The following SLC24A1 variants were observed in gnomAD, a reference collection of about 807,000 sequenced individuals.
SLC24A1 encodes sodium/potassium/calcium exchanger 1.
SLC24A1 carries 52 observed loss-of-function variants against 88.1 expected under a neutral mutation model. The observed-to-expected ratio is 0.59, with a 90% CI of 0.47 to 0.74. SLC24A1 has a LOEUF of 0.74. Among genes scored for constraint, SLC24A1 ranks in the 30% least tolerant of loss-of-function variants. The pLI is 0.00. For synonymous variants in SLC24A1, 455 were observed against 498.0 expected (o/e 0.91, Z 1.15); for missense variants, 1,173 against 1,363.3 (o/e 0.86, Z 2.20).
chr15:65,655,600 T>G lies in SLC24A1; in HGVS notation c.*1521T>G. 1.0e-6 allele frequency: 1 copy of G among 985,264 alleles called. No individual in the cohort carries two copies. The highest frequency in any genetic ancestry group is 1.2e-6 in the Non-Finnish European group (1 of 829,826). 61.0% of individuals were successfully genotyped at this position (985,264 alleles called of 1,614,324 possible). A position where few individuals can be genotyped will look rare whatever the true frequency, so the allele number is the denominator to read the frequency against. On this transcript the variant is annotated 3_prime_UTR_variant, in exon 10 of 10. Coordinates refer to ENST00000261892, the MANE Select transcript of SLC24A1 (RefSeq NM_004727.3). ...TAATATCACTGGCTTCAGAGCAAAATGAGCTCGGGTGACTGCAGATTATGA... is the reference window on the plus strand; with the variant it reads ...TAATATCACTGGCTTCAGAGCAAAAGGAGCTCGGGTGACTGCAGATTATGA...
intron 1 of SLC24A1, among the ~76,000 whole-genome samples, chr15:65,622,419 T>A (rs1427340201): frequency 6.6e-6 from 1 of 152,194 alleles, no homozygotes; most frequent in Admixed American, 6.5e-5. Flanking sequence ...AGGAGGCTCA[T>A]CTGCTTGGCT....
Position 65,624,333 on chromosome 15 carries a change from G to A in SLC24A1, c.253G>A (p.Glu85Lys), listed in dbSNP as rs746325831. 32 of 1,613,562 alleles carry A rather than the reference G, an allele frequency of 2.0e-5. No homozygotes were observed. The highest frequency in any genetic ancestry group is 1.1e-4 in the South Asian group (10 of 91,020). Residue 85 changes from glutamate (E) to lysine (K), a missense_variant, in exon 2 of 10, where the codon GAA (glutamate) becomes AAA (lysine). Coordinates refer to ENST00000261892, the MANE Select transcript of SLC24A1 (RefSeq NM_004727.3). ...MSSSPSKPSS[E>K]MGGKMLVPQA... Reference sequence around the variant, plus strand: ...CAGCAGCCCTTCAAAACCTAGCTCCGAAATGGGGGGTAAGATGCTGGTACC... The same window carrying A: ...CAGCAGCCCTTCAAAACCTAGCTCCAAAATGGGGGGTAAGATGCTGGTACC...
chr15:65,645,569 C>A, intron 5 of SLC24A1, 43 bp from the exon 6 acceptor site: 1 of 1,445,388 alleles, frequency 6.9e-7, no homozygotes, highest in Non-Finnish European at 9.5e-7. Context: ...TCCTTCAGAA[C>A]CTTGTCCACT....
chr15:65,655,891 T>C lies in SLC24A1; in HGVS notation c.*1812T>C, dbSNP rs2075666739. ...TTTACAACATGGATGGGCTCATCCTTATCTTTAGGTCATTTGGTCAGAATC... is the reference window on the plus strand; with the variant it reads ...TTTACAACATGGATGGGCTCATCCTCATCTTTAGGTCATTTGGTCAGAATC... On this transcript the variant is annotated 3_prime_UTR_variant, in exon 10 of 10. Coordinates refer to ENST00000261892, the MANE Select transcript of SLC24A1 (RefSeq NM_004727.3). 2.0e-6 allele frequency: 2 copies of C among 985,258 alleles called. No homozygotes were observed. The highest frequency in any genetic ancestry group is 1.2e-4 in the Admixed American group (2 of 16,270). 61.0% of individuals were successfully genotyped at this position (985,258 alleles called of 1,614,324 possible).
At chr15:65,657,793 G>A (rs537106792), downstream of SLC24A1, among the ~76,000 whole-genome samples, 3 of 152,342 alleles carry the variant, frequency 2.0e-5, no homozygotes, top group African/African-American at 7.2e-5. Flanking sequence ...AAGATGTAAT[G>A]AGAGGGCTCA....
At chr15:65,622,736 T>C (rs1489482982) in intron 1 of SLC24A1, among the ~76,000 whole-genome samples, 2 of 146,806 alleles carry the variant, frequency 1.4e-5, no homozygotes, top group African/African-American at 2.6e-5. Context: ...TTCTGTTCAG[T>C]GCTTTTCTTT....
upstream of SLC24A1, among the ~76,000 whole-genome samples, chr15:65,621,117 C>T (rs571199751): frequency 5.1e-4 from 78 of 152,320 alleles, no homozygotes; most frequent in African/African-American, 1.7e-3. Context: ...GGATTAACTG[C>T]TATTTCAGAT....
chr15:65,624,877 C>G lies in SLC24A1; in HGVS notation c.797C>G (p.Ala266Gly), dbSNP rs1220152535. Residue 266 changes from alanine to glycine, a missense_variant, in exon 2 of 10, where the codon GCA becomes GGA. Coordinates refer to ENST00000261892, the MANE Select transcript of SLC24A1 (RefSeq NM_004727.3). Reference sequence around the variant, plus strand: ...ACTTTTCTGACACATGAGGTAGAAGCAAACGTCTTGACTTCTCCAAGGAGC... The same window carrying G: ...ACTTTTCTGACACATGAGGTAGAAGGAAACGTCTTGACTTCTCCAAGGAGC... ...TPTFLTHEVEANVLTSPRSVM... is the reference protein window; with the variant it reads ...TPTFLTHEVEGNVLTSPRSVM... 6 of 1,613,898 alleles carry G rather than the reference C, an allele frequency of 3.7e-6. No individual in the cohort carries two copies. In the African/African-American group the frequency reaches 6.7e-5, roughly 18 times the overall value.
chr15:65,630,451 A>G (rs2074677439), intron 2 of SLC24A1, among the ~76,000 whole-genome samples: 1 of 152,100 alleles, frequency 6.6e-6, no homozygotes, highest in South Asian at 2.1e-4. Context: ...CTTTGGAGGC[A>G]AGGGGCTGTG....
At position 65,625,465 on chromosome 15, in the gene SLC24A1, T is replaced by A. The variant is rs778025365; in HGVS notation, c.1385T>A (p.Met462Lys). Residue 462 changes from methionine to lysine, a missense_variant, in exon 2 of 10, where the codon ATG becomes AAG. Coordinates refer to ENST00000261892, the MANE Select transcript of SLC24A1 (RefSeq NM_004727.3). Reference sequence around the variant, plus strand: ...TGGGTGGTCCTGCACGTTTTTGGCATGATGTATGTGTTTGTGGCCTTGGCC... The same window carrying A: ...TGGGTGGTCCTGCACGTTTTTGGCAAGATGTATGTGTTTGTGGCCTTGGCC... ...QGWVVLHVFG[M>K]MYVFVALAIV... is the part of the protein sequence containing the mutation. The A allele has an allele frequency of 1.2e-6, 2 of 1,613,836 alleles. No homozygotes were observed. Among genetic ancestry groups the A allele is most frequent in the Admixed American group, 1.7e-5 (1 of 60,010 alleles).
At position 65,632,085 on chromosome 15, in the gene SLC24A1, C is replaced by T. The variant is rs370885525; in HGVS notation, c.1891-6043C>T. ...GACCTTGTGATCTGCCTGCCTCGGC[C>T]TCCCAAAGTTCTGGGATTACAGGTG... is the stretch of plus-strand genomic sequence containing the variant. On this transcript the variant is annotated intron_variant, in intron 2 of 9. Transcript: ENST00000261892. Among the ~76,000 whole-genome samples, 78 of 152,262 alleles carry T rather than the reference C, an allele frequency of 5.1e-4. 2 individuals carry two copies. The highest frequency in any genetic ancestry group is 1.8e-3 in the African/African-American group (75 of 41,540).
Position 65,638,169 on chromosome 15 carries a change from C to G in SLC24A1, c.1932C>G (p.Asn644Lys), listed in dbSNP as rs994191317. 4 of 1,608,578 alleles carry G rather than the reference C, an allele frequency of 2.5e-6. No individual in the cohort carries two copies. Among genetic ancestry groups the G allele is most frequent in the Admixed American group, 1.7e-5 (1 of 59,514 alleles). Residue 644 changes from asparagine to lysine, a missense_variant, in exon 3 of 10, where the codon AAC becomes AAG. Physicochemically the swap from Asn to Lys is moderately conservative, Grantham distance 94. Coordinates refer to ENST00000261892, the MANE Select transcript of SLC24A1 (RefSeq NM_004727.3). ...TTGCGGTGGATGAGCTACAGGATAA[C>G]AAGAAGCTGAAGGTGGGTGCCGTAT... is the stretch of plus-strand genomic sequence containing the variant. ...GAIAVDELQD[N>K]KKLKLPSLLT...
Position 65,644,450 on chromosome 15 carries a change from G to A in SLC24A1, c.2077G>A (p.Glu693Lys). Reference protein sequence around the residue: ...REVRLAKEKEEESLNQGARAQ... With the variant: ...REVRLAKEKEKESLNQGARAQ... ...AGTTCGCCTTGCCAAGGAGAAGGAG[G>A]AGGAGAGCTTGAATCAAGGGGCCAG... Residue 693 changes from glutamate to lysine, a missense_variant, in exon 5 of 10, where the codon GAG becomes AAG. Glu to Lys is a moderately conservative substitution (Grantham distance 56, BLOSUM62 1). Transcript: ENST00000261892. 1 of 1,596,004 alleles carries A rather than the reference G, an allele frequency of 6.3e-7. No individual in the cohort carries two copies. The highest frequency in any genetic ancestry group is 8.5e-7 in the Non-Finnish European group (1 of 1,171,480).
At chr15:65,611,484 G>C in exon 1 of SLC24A1, 1 of 440,326 alleles carries the variant, frequency 2.3e-6, no homozygotes, top group Non-Finnish European at 4.2e-6. Flanking sequence ...ACCTGGCCCG[G>C]TGACTCTGTG....
At chr15:65,642,930 A>T in intron 4 of SLC24A1, 4 of 1,081,890 alleles carry the variant, frequency 3.7e-6, no homozygotes, top group Non-Finnish European at 5.0e-6. Context: ...TGTATTATGG[A>T]CTAGATGATC....
chr15:65,643,148 C>T (rs916178686), intron 4 of SLC24A1: 1 of 695,374 alleles, frequency 1.4e-6, no homozygotes, highest in African/African-American at 1.8e-5. Flanking sequence ...TTTACTTTGT[C>T]ACCAACTCTG....
upstream of SLC24A1, among the ~76,000 whole-genome samples, chr15:65,621,026 T>C (rs1012295603): frequency 3.3e-5 from 5 of 152,168 alleles, no homozygotes; most frequent in East Asian, 1.9e-4. Context: ...GGCCCTTCTG[T>C]GGGCTTCAGC....
chr15:65,613,480 T>TTGTGTG (rs35141100), intron 2 of SLC24A1, among the ~76,000 whole-genome samples: 77 of 149,124 alleles, frequency 5.2e-4, no homozygotes, highest in East Asian at 1.6e-3. Context: ...CAGGGTGATT[T>TTGTGTG]TGTGTGTGTG....
chr15:65,646,271 G>T (rs1033306034), intron 6 of SLC24A1, among the ~76,000 whole-genome samples: 1 of 151,982 alleles, frequency 6.6e-6, no homozygotes, highest in East Asian at 1.9e-4. Flanking sequence ...TAGAGACGGG[G>T]TTTCAACATG....
Sources: gnomAD v4.1 joint callset for allele counts (sites outside exome capture counted in the v4.1 genomes callset) on GRCh38, gnomAD v4.1.1 for gene constraint, MANE v1.5 for transcripts, NCBI Gene and HGNC (gene_info 2026-07-23, HGNC 2026-07-21) for gene names.